The following BPIFB6 variants were observed in gnomAD, a reference collection of about 807,000 sequenced individuals.
BPIFB6 encodes BPI fold containing family B member 6, also known as BPI fold-containing family B member 6.
A neutral mutation model predicts 54.7 loss-of-function variants in BPIFB6; 47 were observed. That is an observed-to-expected ratio of 0.86 (90% confidence interval 0.68 to 1.10). The LOEUF is 1.10. Ranked by LOEUF, BPIFB6 falls within the 50% of genes least tolerant of loss-of-function variation. The pLI, the probability that BPIFB6 is intolerant of heterozygous loss-of-function variation, is 0.00. For synonymous variants in BPIFB6, 255 were observed against 225.9 expected (o/e 1.13, Z -1.16); for missense variants, 603 against 564.1 (o/e 1.07, Z -0.70).
intron 8 of BPIFB6, among the ~76,000 whole-genome samples, chr20:33,038,059 A>G (rs1247987061): frequency 2.6e-5 from 4 of 152,134 alleles, no homozygotes; most frequent in African/African-American, 7.2e-5. Flanking sequence ...GCTGTCATGT[A>G]TTCATCATAC....
chr20:33,037,884 G>A, intron 8 of BPIFB6, 146 bp downstream of exon 8: 1 of 829,456 alleles, frequency 1.2e-6, no homozygotes. Context: ...TCTCTCAGCA[G>A]TTCATCTCAC....
chr20:33,032,046 AGAC>A (rs1979125154), intron 1 of BPIFB6, among the ~76,000 whole-genome samples: 1 of 152,172 alleles, frequency 6.6e-6, no homozygotes, highest in Non-Finnish European at 1.5e-5. Context: ...TGGGAGTGAC[AGAC>A]AAGGGTCAAA....
chr20:33,035,147 G>A lies in BPIFB6; in HGVS notation c.516+3G>A, dbSNP rs1252955626. 1 of 1,613,610 alleles carries A rather than the reference G, an allele frequency of 6.2e-7. No homozygotes were observed. On this transcript the variant is annotated splice_donor_region_variant and intron_variant, in intron 5 of 14. Transcript: ENST00000349552. ...TGCACAAAGTCCTCCCTGGGCTGGT[G>A]AGTGACCCAGAGAAAGCCTCCACCC...
intron 2 of BPIFB6, chr20:33,033,380 T>G: frequency 2.0e-6 from 1 of 502,850 alleles, no homozygotes; most frequent in South Asian, 1.5e-5. Flanking sequence ...ACTCATTGAA[T>G]GTACGTGAAA....
At chr20:33,041,363 CCTT>C in intron 11 of BPIFB6, among the ~76,000 whole-genome samples, 1 of 152,260 alleles carries the variant, frequency 6.6e-6, no homozygotes, top group East Asian at 1.9e-4. Context: ...GAATCTATCT[CCTT>C]CTTCCTCTTG....
At chr20:33,035,820 G>C (rs1236871581) in intron 6 of BPIFB6, 148 bp downstream of exon 6, 19 of 823,348 alleles carry the variant, frequency 2.3e-5, no homozygotes, top group Non-Finnish European at 3.4e-5. Context: ...TCCCCCCACT[G>C]TCCCGATGGG....
chr20:33,040,339 G>A (rs1345799621), intron 11 of BPIFB6, 21 bp downstream of exon 11: 1 of 1,611,518 alleles, frequency 6.2e-7, no homozygotes, highest in Non-Finnish European at 8.5e-7. Context: ...GCTGCCCAAT[G>A]CTGGCATCCC....
chr20:33,032,478 G>T (rs1461841387), intron 1 of BPIFB6, among the ~76,000 whole-genome samples: 1 of 152,042 alleles, frequency 6.6e-6, no homozygotes, highest in Non-Finnish European at 1.5e-5. Flanking sequence ...CCTAGGCTTG[G>T]GAGTGGCTGG....
chr20:33,042,815 G>A lies in BPIFB6; in HGVS notation c.1189G>A (p.Glu397Lys). Residue 397 changes from glutamate (E) to lysine (K), a missense_variant and splice_region_variant, in exon 13 of 15, where the codon GAG becomes AAG. Coordinates refer to ENST00000349552, the MANE Select transcript of BPIFB6 (RefSeq NM_174897.2). Reference protein sequence around the residue: ...RKSSSIGNFNERELTGFITSY... With the variant: ...RKSSSIGNFNKRELTGFITSY... ...GATGCTTTCTCTTTCTTCTTTCCAG[G>A]AGAGGGAATTAACTGGCTTCATCAC... 1.9e-6 allele frequency: 3 copies of A among 1,613,842 alleles called. No homozygotes were observed. The highest frequency in any genetic ancestry group is 2.5e-6 in the Non-Finnish European group (3 of 1,179,724).
intron 4 of BPIFB6, 41 bp from the exon 5 acceptor site, chr20:33,035,040 G>T: frequency 6.2e-7 from 1 of 1,612,016 alleles, no homozygotes; most frequent in Non-Finnish European, 8.5e-7. Context: ...TCCTGCACTG[G>T]TGCACCTGCC....
chr20:33,034,228 C>T lies in BPIFB6; in HGVS notation c.240C>T (p.Asn80=). ...KDVQLPVITL[N]FVPGVGIFQC... ...TCCAGCTGCCCGTCATCACACTGAA[C>T]TTTGTACCTGGAGTGGGCATCTTCC... Residue 80 remains asparagine (N), a synonymous_variant, in exon 3 of 15, where the codon AAC becomes AAT. Transcript: ENST00000349552. 1.2e-6 allele frequency: 2 copies of T among 1,614,174 alleles called. No individual in the cohort carries two copies. Among genetic ancestry groups the T allele is most frequent in the Non-Finnish European group, 8.5e-7 (1 of 1,180,008 alleles).
In BPIFB6 at chr20:33,036,489, A is replaced by G; in HGVS notation, c.622A>G (p.Met208Val). ...GQMGTVKYVL[M>V]SAPATTASYI... is the part of the protein sequence containing the mutation. Reference sequence around the variant, plus strand: ...GATGGGCACCGTCAAATATGTTCTGATGTCCGCACCAGCCACCACAGCCAG... The same window carrying G: ...GATGGGCACCGTCAAATATGTTCTGGTGTCCGCACCAGCCACCACAGCCAG... The change falls in exon 7 of 15, where the codon ATG (methionine) becomes GTG (valine). Residue 208 changes from methionine (M) to valine (V), a missense_variant. By Grantham distance (21) the Met-to-Val change is conservative. Transcript: ENST00000349552. 1.2e-6 allele frequency: 2 copies of G among 1,614,076 alleles called. No individual in the cohort carries two copies. The highest frequency in any genetic ancestry group is 2.2e-5 in the South Asian group (2 of 91,062).
chr20:33,034,314 G>T (rs73256621), intron 3 of BPIFB6, 24 bp downstream of exon 3: 191,352 of 1,528,270 alleles, frequency 0.13, 12,970 homozygotes, highest in Non-Finnish European at 0.14. Flanking sequence ...GGGAGGGGCA[G>T]CGGGGAGGAG....
intron 5 of BPIFB6, 57 bp downstream of exon 5, chr20:33,035,201 C>T: frequency 6.5e-7 from 1 of 1,545,428 alleles, no homozygotes; most frequent in Non-Finnish European, 8.9e-7. Flanking sequence ...TAGGCCAGGG[C>T]TGGCAAATGC....
At chr20:33,038,040 A>T (rs888372818) in intron 8 of BPIFB6, among the ~76,000 whole-genome samples, 1 of 152,014 alleles carries the variant, frequency 6.6e-6, no homozygotes, top group African/African-American at 2.4e-5. Flanking sequence ...CCACCCACTC[A>T]TCTTTCTAGC....
chr20:33,035,489 C>A, intron 5 of BPIFB6, 123 bp from the exon 6 acceptor site: 1 of 988,520 alleles, frequency 1.0e-6, no homozygotes, highest in Non-Finnish European at 1.6e-6. Context: ...GACTTGGGAC[C>A]TCAGTTTTCT....
At position 33,040,375 on chromosome 20, in the gene BPIFB6, A is replaced by T; in HGVS notation, c.1142+57A>T. On this transcript the variant is annotated intron_variant, in intron 11 of 14. Transcript: ENST00000349552. ...TGTTACCTTCACATTTGGCCTTCTG[A>T]TCTAGCACACCCCACACTACCGAGC... The T allele has an allele frequency of 1.3e-6, 2 of 1,525,534 alleles. 1 individual carries two copies. Among genetic ancestry groups the T allele is most frequent in the South Asian group, 2.3e-5 (2 of 88,204 alleles). The allele number at this position is 1,525,534 out of a possible 1,614,324, so 94.5% of individuals were successfully genotyped here.
Position 33,034,901 on chromosome 20 carries a change from C to G in BPIFB6, c.441C>G (p.Asn147Lys), listed in dbSNP as rs779486945. The G allele has an allele frequency of 1.2e-6, 2 of 1,609,780 alleles. No homozygotes were observed. Among genetic ancestry groups the G allele is most frequent in the South Asian group, 2.2e-5 (2 of 90,962 alleles). ...CEVILVNVKTNLPSNMLPKMV... is the reference protein window; with the variant it reads ...CEVILVNVKTKLPSNMLPKMV... ...TCATCCTGGTCAATGTGAAGACTAA[C>G]CTGCCTAGCAAGTGAGGGGCTCTGT... The change falls in exon 4 of 15, where the codon AAC becomes AAG. Residue 147 changes from asparagine (N) to lysine (K), a missense_variant. Transcript: ENST00000349552.
chr20:33,043,153 A>T, intron 13 of BPIFB6, 138 bp from the exon 14 acceptor site: 1 of 812,918 alleles, frequency 1.2e-6, no homozygotes. Flanking sequence ...AATCAGGCTT[A>T]TTAGCTCTTT....
Sources: allele counts gnomAD v4.1 joint callset (sites outside exome capture counted in the v4.1 genomes callset), GRCh38; gene constraint gnomAD v4.1.1; transcripts MANE v1.5; gene names NCBI Gene and HGNC (gene_info 2026-07-23, HGNC 2026-07-21).